The following ADGRL2 variants were observed in gnomAD, a reference collection of about 807,000 sequenced individuals.
ADGRL2 encodes the protein calcium-independent alpha-latrotoxin receptor 2.
Under a neutral mutation model 157.4 loss-of-function variants are expected in ADGRL2, and 44 were observed. The ratio of observed to expected loss-of-function variants is 0.28; its 90% CI spans 0.22 to 0.36. The LOEUF is 0.36. Ranked by LOEUF, ADGRL2 falls within the 10% of genes least tolerant of loss-of-function variation. The probability of loss-of-function intolerance (pLI) is 1.00; values close to 1 mark genes in which losing one functional copy is unlikely to be tolerated. For synonymous variants in ADGRL2, 585 were observed against 624.7 expected (o/e 0.94, Z 0.95); for missense variants, 1,510 against 1,768.9 (o/e 0.85, Z 2.63).
intron 13 of ADGRL2, among the ~76,000 whole-genome samples, chr1:81,967,144 G>A (rs1558016054): frequency 6.6e-6 from 1 of 152,132 alleles, no homozygotes; most frequent in Non-Finnish European, 1.5e-5. Context: ...CAGAATGTTT[G>A]GCTGTTGTGA....
intron 1 of ADGRL2, among the ~76,000 whole-genome samples, chr1:81,746,951 T>C (rs114746375): frequency 0.013 from 1,931 of 146,778 alleles, 42 homozygotes; most frequent in African/African-American, 0.046. Context: ...CACATGTATG[T>C]ATATACGTAT....
chr1:81,700,349 G>A (rs770127319), intron 1 of ADGRL2, among the ~76,000 whole-genome samples: 3 of 152,114 alleles, frequency 2.0e-5, no homozygotes, highest in Non-Finnish European at 2.9e-5. Context: ...AATAGTCTCC[G>A]TTTCAAGTCC....
At chr1:81,561,020 A>G (rs554573778) in intron 2 of ADGRL2, among the ~76,000 whole-genome samples, 1 of 152,054 alleles carries the variant, frequency 6.6e-6, no homozygotes, top group East Asian at 1.9e-4. Flanking sequence ...GTTTATTGGG[A>G]TGATTTCCTC....
intron 3 of ADGRL2, among the ~76,000 whole-genome samples, chr1:81,618,254 T>C (rs1272701319): frequency 6.6e-6 from 1 of 152,118 alleles, no homozygotes; most frequent in Non-Finnish European, 1.5e-5. Context: ...AATAGTAAAG[T>C]TTTAGTAGAG....
intron 2 of ADGRL2, among the ~76,000 whole-genome samples, chr1:81,776,612 T>A (rs2149364508): frequency 6.6e-6 from 1 of 152,354 alleles, no homozygotes; most frequent in South Asian, 2.1e-4. Context: ...TTGTAATAAA[T>A]ATTTCTAGTG....
chr1:81,837,223 A>G (rs1444588404), intron 2 of ADGRL2, among the ~76,000 whole-genome samples, 166 bp downstream of exon 2: 3 of 152,008 alleles, frequency 2.0e-5, no homozygotes, highest in African/African-American at 7.2e-5. Context: ...TCTTTTGATA[A>G]CACAGATATG....
chr1:81,982,407 T>C (rs1173553336), intron 19 of ADGRL2, among the ~76,000 whole-genome samples: 2 of 151,934 alleles, frequency 1.3e-5, no homozygotes, highest in South Asian at 2.1e-4. Flanking sequence ...TTTTGAGTAA[T>C]TTTGAAGGAT....
chr1:81,373,556 G>A (rs2076196270), intron 1 of ADGRL2, among the ~76,000 whole-genome samples: 1 of 152,098 alleles, frequency 6.6e-6, no homozygotes, highest in African/African-American at 2.4e-5. Context: ...TACTTACAGG[G>A]TTCATCAGGG....
At chr1:81,868,364 C>T (rs886293521) in intron 2 of ADGRL2, among the ~76,000 whole-genome samples, 2 of 152,048 alleles carry the variant, frequency 1.3e-5, no homozygotes, top group Admixed American at 6.6e-5. Context: ...TTCCCCATAG[C>T]TTAGCAAAGT....
chr1:81,871,039 C>A (rs1394473632), intron 2 of ADGRL2, among the ~76,000 whole-genome samples: 1 of 149,254 alleles, frequency 6.7e-6, no homozygotes, highest in Non-Finnish European at 1.5e-5. Context: ...GCACCCATTA[C>A]CTCGTCATTT....
intron 1 of ADGRL2, among the ~76,000 whole-genome samples, chr1:81,324,464 G>A (rs1660744952): frequency 6.6e-6 from 1 of 150,508 alleles, no homozygotes; most frequent in Non-Finnish European, 1.5e-5. Flanking sequence ...AGCCATGATT[G>A]CGCTACTGAA....
intron 3 of ADGRL2, among the ~76,000 whole-genome samples, chr1:81,621,668 C>T (rs892061505): frequency 6.6e-6 from 1 of 152,214 alleles, no homozygotes; most frequent in East Asian, 1.9e-4. Context: ...GCCCAGCTGA[C>T]ACCCAGATAC....
At chr1:81,864,128 G>C (rs940082944) in intron 2 of ADGRL2, among the ~76,000 whole-genome samples, 2 of 152,136 alleles carry the variant, frequency 1.3e-5, no homozygotes, top group Non-Finnish European at 2.9e-5. Context: ...ATTTAGCATA[G>C]ATATGGGCCA....
intron 1 of ADGRL2, among the ~76,000 whole-genome samples, chr1:81,709,873 T>C (rs2083866135): frequency 6.6e-6 from 1 of 152,182 alleles, no homozygotes; most frequent in African/African-American, 2.4e-5. Context: ...AATGTATACA[T>C]TAATAATGAA....
chr1:81,893,492 C>T (rs1348886755), intron 2 of ADGRL2, among the ~76,000 whole-genome samples: 1 of 152,164 alleles, frequency 6.6e-6, no homozygotes, highest in Non-Finnish European at 1.5e-5. Context: ...GGCTCTCAAG[C>T]AGGATTCCTA....
intron 2 of ADGRL2, among the ~76,000 whole-genome samples, chr1:81,487,342 C>T (rs1025821286): frequency 4.6e-5 from 7 of 151,702 alleles, no homozygotes; most frequent in African/African-American, 1.7e-4. Context: ...TAAATATAAA[C>T]CCATTTAAAG....
intron 3 of ADGRL2, among the ~76,000 whole-genome samples, chr1:81,621,143 C>G (rs1035156278): frequency 6.6e-6 from 1 of 152,124 alleles, no homozygotes; most frequent in Non-Finnish European, 1.5e-5. Context: ...CTTTGGCCAT[C>G]TAGATGAGCA....
At chr1:81,802,192 C>G (rs897469954) in intron 1 of ADGRL2, among the ~76,000 whole-genome samples, 2 of 151,938 alleles carry the variant, frequency 1.3e-5, no homozygotes, top group African/African-American at 2.4e-5. Flanking sequence ...GGCCCCCACG[C>G]CAGACGGCCC....
chr1:81,825,170 C>T (rs1035700630), intron 1 of ADGRL2, among the ~76,000 whole-genome samples: 1 of 152,056 alleles, frequency 6.6e-6, no homozygotes, highest in African/African-American at 2.4e-5. Context: ...ACTTAGAGTC[C>T]TGTTTCTATG....
Sources: gnomAD v4.1 joint callset for allele counts (sites outside exome capture counted in the v4.1 genomes callset) on GRCh38, gnomAD v4.1.1 for gene constraint, MANE v1.5 for transcripts, NCBI Gene and HGNC (gene_info 2026-07-23, HGNC 2026-07-21) for gene names.